The following JAM2 variants were observed in gnomAD, a reference collection of about 807,000 sequenced individuals.
JAM2 encodes junctional adhesion molecule B.
In JAM2, 17 loss-of-function variants were observed where a neutral mutation model predicts 42.0. The observed-to-expected ratio is 0.40, with a 90% CI of 0.28 to 0.61. The LOEUF is 0.61. Ranked by LOEUF, JAM2 falls within the 20% of genes least tolerant of loss-of-function variation. The pLI is 0.37. For missense variants in JAM2, 319 were observed against 358.3 expected (o/e 0.89, Z 0.89); for synonymous variants, 118 against 128.6 (o/e 0.92, Z 0.56).
chr21:25,714,653 CA>C lies in JAM2; in HGVS notation c.882del (p.Lys294AsnfsTer4). The C allele has an allele frequency of 1.3e-6, 2 of 1,510,852 alleles. No individual in the cohort carries two copies. The highest frequency in any genetic ancestry group is 2.3e-5 in the Admixed American group (1 of 43,480). The allele number at this position is 1,510,852 out of a possible 1,614,324, so 93.6% of individuals were successfully genotyped here. A position where few individuals can be genotyped will look rare whatever the true frequency, so the allele number is the denominator to read the frequency against. On this transcript the variant is annotated frameshift_variant, in exon 10 of 10. Coordinates refer to ENST00000480456, the MANE Select transcript of JAM2 (RefSeq NM_021219.4). LOFTEE classifies it high-confidence loss of function. ...TTMSENDFKH[T>X]KSFII ...TTCTTTTCCTAGGATTTCAAGCACA[CA>C]AAATCCTTTATAATTTAAAGACTCC... is the stretch of plus-strand genomic sequence containing the variant.
intron 1 of JAM2, among the ~76,000 whole-genome samples, chr21:25,662,326 G>T (rs1219395712): frequency 6.6e-6 from 1 of 151,798 alleles, no homozygotes; most frequent in African/African-American, 2.4e-5. Flanking sequence ...TTTTGTTTTT[G>T]TTGTGTAGAG....
Position 25,712,190 on chromosome 21 carries a change from TC to T in JAM2, c.822-149del, listed in dbSNP as rs1400481686. The T allele has an allele frequency of 1.9e-5, 13 of 671,264 alleles. No homozygotes were observed. In the African/African-American group the frequency reaches 2.3e-4, roughly 12 times the overall value. The allele number at this position is 671,264 out of a possible 1,614,324, so 41.6% of individuals were successfully genotyped here. ...AATATTGTCTGTAAATATAAGAAAT[TC>T]AGTAAGAATTGTCTTTTTTTCTACC... On this transcript the variant is annotated intron_variant, in intron 8 of 9. Coordinates refer to ENST00000480456, the MANE Select transcript of JAM2 (RefSeq NM_021219.4).
At chr21:25,701,526 T>C (rs189899564) in intron 5 of JAM2, among the ~76,000 whole-genome samples, 1 of 148,792 alleles carries the variant, frequency 6.7e-6, no homozygotes, top group East Asian at 2.1e-4. Context: ...TAAAAACTAC[T>C]GATAAAAATA....
At chr21:25,664,872 T>C (rs929989559) in intron 1 of JAM2, among the ~76,000 whole-genome samples, 1 of 152,248 alleles carries the variant, frequency 6.6e-6, no homozygotes, top group African/African-American at 2.4e-5. Context: ...AGTGTTTCTT[T>C]ATCACCATGG....
intron 1 of JAM2, among the ~76,000 whole-genome samples, chr21:25,646,885 G>A (rs1026272184): frequency 1.3e-5 from 2 of 152,078 alleles, no homozygotes; most frequent in Non-Finnish European, 2.9e-5. Flanking sequence ...TTTCTTTATC[G>A]CATGTCATCA....
chr21:25,679,368 A>G (rs776221929), intron 1 of JAM2, among the ~76,000 whole-genome samples: 29 of 152,178 alleles, frequency 1.9e-4, no homozygotes, highest in Non-Finnish European at 4.1e-4. Flanking sequence ...TTTATAGTCT[A>G]TTGGTTTATT....
chr21:25,685,750 T>TA (rs2033738608), intron 2 of JAM2, among the ~76,000 whole-genome samples: 2 of 151,932 alleles, frequency 1.3e-5, no homozygotes, highest in African/African-American at 4.8e-5. Context: ...CCAGGATGGA[T>TA]AAACAGGGCT....
intron 1 of JAM2, among the ~76,000 whole-genome samples, chr21:25,646,459 A>G (rs902447616): frequency 2.6e-5 from 4 of 152,136 alleles, no homozygotes; most frequent in Admixed American, 2.6e-4. Context: ...GTGTTTCCAG[A>G]GTTTCCCTGA....
chr21:25,666,356 G>A (rs1280936465), intron 1 of JAM2, among the ~76,000 whole-genome samples: 1 of 91,376 alleles, frequency 1.1e-5, no homozygotes, highest in East Asian at 5.4e-4. Flanking sequence ...AAGGAGTCTT[G>A]CTCAGTCACC....
At chr21:25,640,057 G>A (rs1568882258) in intron 1 of JAM2, among the ~76,000 whole-genome samples, 169 bp downstream of exon 1, 1 of 152,242 alleles carries the variant, frequency 6.6e-6, no homozygotes, top group Non-Finnish European at 1.5e-5. Context: ...GCCCGCGAGC[G>A]GACGCTGGGA....
chr21:25,645,059 T>A (rs2032566539), intron 1 of JAM2, among the ~76,000 whole-genome samples: 1 of 152,194 alleles, frequency 6.6e-6, no homozygotes, highest in African/African-American at 2.4e-5. Flanking sequence ...TTTTGTATTT[T>A]TAGTAGAGAC....
intron 6 of JAM2, 50 bp downstream of exon 6, chr21:25,702,319 A>G (rs967527085): frequency 1.7e-6 from 2 of 1,173,840 alleles, no homozygotes; most frequent in Admixed American, 1.7e-5. Context: ...TCGACTGTGA[A>G]GTACAGCAGT....
chr21:25,644,469 C>G (rs2032543764), intron 1 of JAM2, among the ~76,000 whole-genome samples: 1 of 152,178 alleles, frequency 6.6e-6, no homozygotes, highest in Non-Finnish European at 1.5e-5. Context: ...CACCTGTCCC[C>G]ACTCACGGCC....
rs187970613 is a variant in JAM2, at chr21:25,647,884, G to A, written c.67+7996G>A. ...AAACTTCTGGGCAAGTGCTAAATTT[G>A]AAAAGAGAGAATGGTGTTTATGTTT... On this transcript the variant is annotated intron_variant, in intron 1 of 9. Transcript: ENST00000480456. Among the ~76,000 whole-genome samples the A allele has an allele frequency of 1.4e-3, 220 of 152,288 alleles. 2 individuals carry two copies. Among genetic ancestry groups the A allele is most frequent in the Non-Finnish European group, 7.6e-4 (52 of 68,016 alleles).
intron 8 of JAM2, among the ~76,000 whole-genome samples, chr21:25,711,049 G>A (rs754709040): frequency 1.3e-5 from 2 of 152,202 alleles, no homozygotes; most frequent in African/African-American, 2.4e-5. Context: ...GAGAAGCAGA[G>A]AAATCGAAGA....
chr21:25,664,321 C>A (rs2033162593), intron 1 of JAM2, among the ~76,000 whole-genome samples: 1 of 152,132 alleles, frequency 6.6e-6, no homozygotes. Context: ...CCACAACCTC[C>A]ACTTCCTGAG....
chr21:25,712,193 G>T (rs1255801871), intron 8 of JAM2, 147 bp from the exon 9 acceptor site: 2 of 674,086 alleles, frequency 3.0e-6, no homozygotes, highest in Admixed American at 2.1e-5. Flanking sequence ...AAGAAATTCA[G>T]TAAGAATTGT....
chr21:25,702,823 C>T (rs2034194875), intron 6 of JAM2, among the ~76,000 whole-genome samples: 1 of 152,062 alleles, frequency 6.6e-6, no homozygotes, highest in African/African-American at 2.4e-5. Context: ...TCACATACGT[C>T]CCCATGGGTT....
intron 5 of JAM2, among the ~76,000 whole-genome samples, chr21:25,700,057 C>T (rs1212188048): frequency 1.3e-5 from 2 of 152,108 alleles, no homozygotes; most frequent in Non-Finnish European, 2.9e-5. Context: ...TATTCTGTTT[C>T]CTCCAGTAAA....
Sources: gnomAD v4.1 joint callset for allele counts (sites outside exome capture counted in the v4.1 genomes callset) on GRCh38, gnomAD v4.1.1 for gene constraint, MANE v1.5 for transcripts, NCBI Gene and HGNC (gene_info 2026-07-23, HGNC 2026-07-21) for gene names.